The following HCN1 variants were observed in gnomAD, a reference collection of about 807,000 sequenced individuals.
HCN1 encodes hyperpolarization activated cyclic nucleotide gated potassium channel 1.
In HCN1, 13 loss-of-function variants were observed where a neutral mutation model predicts 78.9. The ratio of observed to expected loss-of-function variants is 0.16; its 90% confidence interval spans 0.11 to 0.26. The LOEUF is 0.26. Ranked by LOEUF, HCN1 falls within the 10% of genes least tolerant of loss-of-function variation. The probability of loss-of-function intolerance (pLI) is 1.00; values close to 1 mark genes in which losing one functional copy is unlikely to be tolerated. For missense variants in HCN1, 810 were observed against 1,154.3 expected (o/e 0.70, Z 4.32); for synonymous variants, 552 against 455.5 (o/e 1.21, Z -2.70).
chr5:45,647,103 C>A (rs1267852936), intron 1 of HCN1, among the ~76,000 whole-genome samples: 1 of 152,134 alleles, frequency 6.6e-6, no homozygotes, highest in Non-Finnish European at 1.5e-5. Flanking sequence ...TCCCCTGTCT[C>A]CAGCCTCAGG....
At chr5:45,508,913 A>G (rs1742357854) in intron 2 of HCN1, among the ~76,000 whole-genome samples, 1 of 152,124 alleles carries the variant, frequency 6.6e-6, no homozygotes, top group African/African-American at 2.4e-5. Flanking sequence ...AATGGTTTTC[A>G]TCATCATTTT....
intron 3 of HCN1, among the ~76,000 whole-genome samples, chr5:45,440,776 G>C (rs1304611145): frequency 3.3e-5 from 5 of 151,316 alleles, no homozygotes; most frequent in Non-Finnish European, 2.9e-5. Context: ...CTGTAAAATA[G>C]CAAAATAGCA....
At chr5:45,302,765 G>T (rs1197354999) in intron 6 of HCN1, among the ~76,000 whole-genome samples, 1 of 151,906 alleles carries the variant, frequency 6.6e-6, no homozygotes, top group African/African-American at 2.4e-5. Context: ...ATTGAATCAT[G>T]GGGGCTGGTC....
At chr5:45,434,129 G>T (rs1412908665) in intron 3 of HCN1, among the ~76,000 whole-genome samples, 2 of 152,094 alleles carry the variant, frequency 1.3e-5, no homozygotes, top group Admixed American at 6.6e-5. Context: ...TCTCCTCTAG[G>T]GAGAGTACAA....
chr5:45,408,890 G>A (rs1739976269), intron 3 of HCN1, among the ~76,000 whole-genome samples: 1 of 152,082 alleles, frequency 6.6e-6, no homozygotes. Flanking sequence ...TATAAACAAA[G>A]TAGCTGCCTA....
intron 5 of HCN1, among the ~76,000 whole-genome samples, chr5:45,325,376 A>G (rs552740437): frequency 6.6e-6 from 1 of 151,778 alleles, no homozygotes; most frequent in Non-Finnish European, 1.5e-5. Context: ...GGAAACCTAC[A>G]TCTAATTGAG....
chr5:45,622,392 T>C (rs1341510012), intron 2 of HCN1, among the ~76,000 whole-genome samples: 2 of 152,152 alleles, frequency 1.3e-5, no homozygotes, highest in Non-Finnish European at 2.9e-5. Context: ...TAATGAAAGA[T>C]ACAAGGTACT....
At chr5:45,494,859 T>C (rs1347725793) in intron 2 of HCN1, among the ~76,000 whole-genome samples, 18 of 152,208 alleles carry the variant, frequency 1.2e-4, no homozygotes, top group Non-Finnish European at 2.1e-4. Flanking sequence ...AATAGGGAAT[T>C]CTTTCCCCAT....
intron 3 of HCN1, among the ~76,000 whole-genome samples, chr5:45,409,089 G>A (rs964036613): frequency 9.2e-5 from 14 of 151,996 alleles, no homozygotes; most frequent in African/African-American, 3.4e-4. Context: ...CAATTTATAT[G>A]ATAGATGGTA....
intron 4 of HCN1, among the ~76,000 whole-genome samples, chr5:45,362,495 G>A (rs1214739075): frequency 6.6e-6 from 1 of 151,984 alleles, no homozygotes; most frequent in Admixed American, 6.6e-5. Context: ...TGAAAGAAGT[G>A]TTTCTAATTC....
chr5:45,374,270 T>C (rs1172840854), intron 4 of HCN1, among the ~76,000 whole-genome samples: 7 of 114,012 alleles, frequency 6.1e-5, no homozygotes, highest in African/African-American at 2.3e-4. Context: ...ATAACATATA[T>C]ATTATATACA....
At chr5:45,582,859 A>C (rs913676206) in intron 2 of HCN1, among the ~76,000 whole-genome samples, 1 of 152,184 alleles carries the variant, frequency 6.6e-6, no homozygotes, top group Non-Finnish European at 1.5e-5. Context: ...TTTGCATCCC[A>C]GGGATGAAGC....
At chr5:45,573,557 G>T (rs941385066) in intron 2 of HCN1, among the ~76,000 whole-genome samples, 4 of 150,930 alleles carry the variant, frequency 2.7e-5, no homozygotes, top group African/African-American at 9.8e-5. Context: ...GTTGTCCTTT[G>T]GTCAGTGAAC....
At chr5:45,379,153 G>A (rs769478833) in intron 4 of HCN1, among the ~76,000 whole-genome samples, 13 of 152,006 alleles carry the variant, frequency 8.6e-5, no homozygotes, top group African/African-American at 1.7e-4. Context: ...GGGATGGTTC[G>A]GTCAAATGGT....
At chr5:45,598,890 C>T (rs1295035047) in intron 2 of HCN1, among the ~76,000 whole-genome samples, 6 of 152,150 alleles carry the variant, frequency 3.9e-5, no homozygotes, top group South Asian at 2.1e-4. Context: ...GTTAGAATGG[C>T]GATCATTAAA....
chr5:45,485,565 G>T (rs1377381666), intron 2 of HCN1, among the ~76,000 whole-genome samples: 1 of 151,954 alleles, frequency 6.6e-6, no homozygotes, highest in Non-Finnish European at 1.5e-5. Flanking sequence ...TACGCAGAAG[G>T]GAAATACTCA....
At chr5:45,644,247 T>G (rs768680922) in intron 2 of HCN1, 32 of 152,188 alleles carry the variant, frequency 2.1e-4, no homozygotes, top group Non-Finnish European at 1.0e-4. Context: ...TTATATGACT[T>G]TCATTAGTGT....
chr5:45,614,067 A>G (rs886749972), intron 2 of HCN1, among the ~76,000 whole-genome samples: 4 of 152,156 alleles, frequency 2.6e-5, no homozygotes, highest in African/African-American at 9.6e-5. Context: ...GGCTCCCCAA[A>G]TACTGTTTTT....
intron 2 of HCN1, among the ~76,000 whole-genome samples, chr5:45,594,626 T>TA (rs1422912002): frequency 6.6e-6 from 1 of 152,252 alleles, no homozygotes; most frequent in Admixed American, 6.5e-5. Flanking sequence ...TTATCACAAA[T>TA]AAAAAAATTC....
Sources: gnomAD v4.1 joint callset for allele counts (sites outside exome capture counted in the v4.1 genomes callset) on GRCh38, gnomAD v4.1.1 for gene constraint, MANE v1.5 for transcripts, NCBI Gene and HGNC (gene_info 2026-07-23, HGNC 2026-07-21) for gene names.